The following TLL1 variants were observed in gnomAD, a reference collection of about 807,000 sequenced individuals.
TLL1 encodes the protein tolloid like 1, also known as tolloid-like protein 1.
TLL1 carries 49 observed loss-of-function variants against 128.2 expected under a neutral mutation model. The observed-to-expected ratio is 0.38, with a 90% confidence interval of 0.30 to 0.48. The LOEUF (loss-of-function observed/expected upper bound fraction) is 0.48, where lower values mean the gene tolerates loss of function less well. TLL1 is among the 20% of genes least tolerant of loss of function. The pLI is 0.96. For missense variants in TLL1, 1,123 were observed against 1,242.0 expected (o/e 0.90, Z 1.44); for synonymous variants, 454 against 418.8 (o/e 1.08, Z -1.03).
At chr4:166,090,909 G>A (rs1197889849) in intron 18 of TLL1, among the ~76,000 whole-genome samples, 2 of 151,996 alleles carry the variant, frequency 1.3e-5, no homozygotes, top group African/African-American at 4.8e-5. Context: ...TAGCCAAATA[G>A]TGGAATTTCA....
chr4:165,940,029 A>T (rs1051611986), intron 1 of TLL1, among the ~76,000 whole-genome samples: 1 of 151,856 alleles, frequency 6.6e-6, no homozygotes, highest in Admixed American at 6.6e-5. Context: ...TCTACCTCTT[A>T]TACATGGATA....
chr4:165,893,720 T>A lies in TLL1; in HGVS notation c.169+19647T>A, dbSNP rs539917790. Among the ~76,000 whole-genome samples the A allele has an allele frequency of 5.3e-5, 8 of 152,334 alleles. No individual in the cohort carries two copies. In the East Asian group the frequency reaches 1.5e-3, roughly 29 times the overall value. On this transcript the variant is annotated intron_variant, in intron 1 of 20. Coordinates refer to ENST00000061240, the MANE Select transcript of TLL1 (RefSeq NM_012464.5). ...GAGCAGGTAACGGTACCTATTCTCA[T>A]GCAGTACACTTGTACAACTTCATAA...
intron 1 of TLL1, among the ~76,000 whole-genome samples, chr4:165,941,158 ATTTG>A (rs1325505979): frequency 6.6e-6 from 1 of 151,978 alleles, no homozygotes; most frequent in East Asian, 1.9e-4. Context: ...GAAAGACATG[ATTTG>A]TTTGTTTATG....
Position 166,024,386 on chromosome 4 carries a change from T to A in TLL1, c.1043-930T>A, listed in dbSNP as rs183504216. Among the ~76,000 whole-genome samples, 4 of 152,310 alleles carry A rather than the reference T, an allele frequency of 2.6e-5. No individual in the cohort carries two copies. In the East Asian group the frequency reaches 7.7e-4, roughly 29 times the overall value. ...TAAGGCCTTGTAATATGATAATAGC[T>A]CTGTTTTGATTGCAGTGTCCTTCAG... On this transcript the variant is annotated intron_variant, in intron 8 of 20. Transcript: ENST00000061240.
chr4:165,999,009 A>G (rs531025706), intron 5 of TLL1, among the ~76,000 whole-genome samples: 9 of 152,220 alleles, frequency 5.9e-5, no homozygotes, highest in Non-Finnish European at 1.3e-4. Context: ...AAAACGATTT[A>G]TTAGAAGGTC....
intron 16 of TLL1, among the ~76,000 whole-genome samples, chr4:166,073,242 A>T (rs1740871519): frequency 6.6e-6 from 1 of 152,156 alleles, no homozygotes; most frequent in Non-Finnish European, 1.5e-5. Flanking sequence ...TGTCTGCATT[A>T]GAAAATGCAG....
At chr4:166,046,750 G>C (rs1739474824) in intron 12 of TLL1, among the ~76,000 whole-genome samples, 1 of 152,142 alleles carries the variant, frequency 6.6e-6, no homozygotes, top group African/African-American at 2.4e-5. Flanking sequence ...TGGGCAACCT[G>C]TATTAATGCG....
intron 1 of TLL1, among the ~76,000 whole-genome samples, chr4:165,971,562 G>A (rs1238246345): frequency 1.3e-5 from 2 of 152,090 alleles, no homozygotes; most frequent in Non-Finnish European, 2.9e-5. Flanking sequence ...TTCTTGCCAT[G>A]GCTTCTGGTA....
intron 18 of TLL1, among the ~76,000 whole-genome samples, chr4:166,080,211 G>A (rs1422789707): frequency 2.0e-5 from 3 of 151,904 alleles, no homozygotes; most frequent in Non-Finnish European, 4.4e-5. Context: ...TATTTTCTTT[G>A]TGTATTCATA....
rs752662666 is a variant in TLL1, at chr4:166,003,381, T to G, written c.633-10T>G. The G allele has an allele frequency of 6.2e-7, 1 of 1,613,792 alleles. No individual in the cohort carries two copies. The highest frequency in any genetic ancestry group is 8.5e-7 in the Non-Finnish European group (1 of 1,179,846). Reference sequence around the variant, plus strand: ...TTCCACCACCATCTCCACTTTCTCTTTTATTCCAGATGCTGCTCCTATGTA... The same window carrying G: ...TTCCACCACCATCTCCACTTTCTCTGTTATTCCAGATGCTGCTCCTATGTA... On this transcript the variant is annotated splice_polypyrimidine_tract_variant and intron_variant, in intron 5 of 20. Transcript: ENST00000061240.
At chr4:165,916,167 C>T (rs189757207) in intron 1 of TLL1, among the ~76,000 whole-genome samples, 5 of 152,188 alleles carry the variant, frequency 3.3e-5, no homozygotes, top group Admixed American at 1.3e-4. Context: ...TGAAGAACTG[C>T]GAGCTCTTGG....
chr4:166,028,088 GT>G (rs1738589831), intron 9 of TLL1, among the ~76,000 whole-genome samples: 5 of 151,570 alleles, frequency 3.3e-5, no homozygotes, highest in Admixed American at 3.3e-4. Flanking sequence ...CTAATATTTG[GT>G]TTCATTCTGC....
chr4:166,020,391 G>C (rs569981909), intron 8 of TLL1, among the ~76,000 whole-genome samples: 7 of 152,126 alleles, frequency 4.6e-5, no homozygotes, highest in East Asian at 3.9e-4. Context: ...GGAGGAGAAT[G>C]GTTATTATTA....
At chr4:165,993,028 C>A in intron 3 of TLL1, 144 bp downstream of exon 3, 1 of 699,232 alleles carries the variant, frequency 1.4e-6, no homozygotes, top group South Asian at 1.7e-5. Flanking sequence ...ATTTTGCTAG[C>A]TCATATCTGA....
At chr4:166,051,594 G>T (rs1041604247) in intron 12 of TLL1, among the ~76,000 whole-genome samples, 2 of 152,026 alleles carry the variant, frequency 1.3e-5, no homozygotes, top group Admixed American at 1.3e-4. Context: ...GTTATCACTC[G>T]TGTTGATGTA....
intron 1 of TLL1, among the ~76,000 whole-genome samples, chr4:165,902,345 GC>G: frequency 6.6e-6 from 1 of 152,276 alleles, no homozygotes; most frequent in South Asian, 2.1e-4. Context: ...ACCTCCTGCA[GC>G]TAGCTTGGTG....
chr4:165,923,272 C>T (rs1733116738), intron 1 of TLL1, among the ~76,000 whole-genome samples: 2 of 151,916 alleles, frequency 1.3e-5, no homozygotes, highest in South Asian at 2.1e-4. Flanking sequence ...AATAATCAGA[C>T]ATTGCTGACT....
chr4:166,042,153 A>C lies in TLL1; in HGVS notation c.1378+10A>C. 1.3e-6 allele frequency: 2 copies of C among 1,566,726 alleles called. No homozygotes were observed. Among genetic ancestry groups the C allele is most frequent in the African/African-American group, 1.4e-5 (1 of 74,038 alleles). ...GCAGCTGTCTATGAAGGTAAGTCACATTGAATTTTAGAGAGTAGTTCATCT... is the reference window on the plus strand; with the variant it reads ...GCAGCTGTCTATGAAGGTAAGTCACCTTGAATTTTAGAGAGTAGTTCATCT... On this transcript the variant is annotated intron_variant, in intron 11 of 20. Transcript: ENST00000061240.
intron 1 of TLL1, among the ~76,000 whole-genome samples, chr4:165,987,329 T>TTA (rs1442577415): frequency 2.0e-5 from 3 of 152,122 alleles, no homozygotes; most frequent in Non-Finnish European, 4.4e-5. Flanking sequence ...CCAACAAGCC[T>TTA]TATATTATAA....
Sources: allele counts gnomAD v4.1 joint callset (sites outside exome capture counted in the v4.1 genomes callset), GRCh38; gene constraint gnomAD v4.1.1; transcripts MANE v1.5; gene names NCBI Gene and HGNC (gene_info 2026-07-23, HGNC 2026-07-21).